CEP63: variants seen among roughly 807,000 people sequenced by gnomAD.
The protein encoded by CEP63 is centrosomal protein 63.
Under a neutral mutation model 89.1 loss-of-function variants are expected in CEP63, and 84 were observed. That is an observed-to-expected ratio of 0.94 (90% confidence interval 0.79 to 1.13). The LOEUF (loss-of-function observed/expected upper bound fraction) is 1.13, where lower values mean the gene tolerates loss of function less well. Among genes scored for constraint, CEP63 ranks in the 50% most tolerant of loss-of-function variants. The pLI is 0.00. For missense variants in CEP63, 838 were observed against 813.3 expected, an observed-to-expected ratio of 1.03 and a Z score of -0.37; for synonymous variants, 267 against 272.5, an observed-to-expected ratio of 0.98 and a Z score of 0.20.
chr3:134,604,212 G>A, the CEP63 span: 12 of 1,612,834 alleles, frequency 7.4e-6, no homozygotes, highest in East Asian at 8.9e-5. Context: ...TGGGGCCCAC[G>A]GGCTGGTGAA....
chr3:134,726,633 A>AT, the CEP63 span, among the ~76,000 whole-genome samples: 1 of 152,142 alleles, frequency 6.6e-6, no homozygotes, highest in Non-Finnish European at 1.5e-5. Context: ...CTTGATCTGA[A>AT]TGCAAGTACT....
At chr3:134,609,875 C>T in the CEP63 span, among the ~76,000 whole-genome samples, 3 of 152,230 alleles carry the variant, frequency 2.0e-5, no homozygotes, top group African/African-American at 4.8e-5. Context: ...AACCTGCCAA[C>T]AACTAAAGAA....
chr3:134,604,040 G>A, the CEP63 span: 200 of 1,613,952 alleles, frequency 1.2e-4, 1 homozygote, highest in African/African-American at 1.9e-3. Context: ...ATGTAGCGCC[G>A]CTGTGTCTCC....
At chr3:134,544,932 C>G (rs535424131) in intron 6 of CEP63, among the ~76,000 whole-genome samples, 1 of 152,258 alleles carries the variant, frequency 6.6e-6, no homozygotes, top group South Asian at 2.1e-4. Flanking sequence ...ACTGCAACTT[C>G]CGCTTCCTGG....
the CEP63 span, among the ~76,000 whole-genome samples, chr3:134,665,688 CACACACACACACACAG>C: frequency 5.2e-4 from 67 of 129,976 alleles, no homozygotes; most frequent in African/African-American, 1.6e-3. Flanking sequence ...CACACACACA[CACACACACACACACAG>C]AGAGAGAGAG....
the CEP63 span, among the ~76,000 whole-genome samples, chr3:134,649,787 TA>T: frequency 2.0e-5 from 3 of 152,194 alleles, no homozygotes; most frequent in Non-Finnish European, 4.4e-5. Flanking sequence ...ACAGCAGCAT[TA>T]CTTAAGCAAG....
At chr3:134,745,034 C>T in the CEP63 span, among the ~76,000 whole-genome samples, 16 of 152,186 alleles carry the variant, frequency 1.1e-4, no homozygotes, top group Admixed American at 4.6e-4. Flanking sequence ...AGGTAGTGAA[C>T]ATACCTATCA....
At chr3:134,522,041 T>C (rs1004848413) in intron 3 of CEP63, among the ~76,000 whole-genome samples, 1 of 152,208 alleles carries the variant, frequency 6.6e-6, no homozygotes, top group African/African-American at 2.4e-5. Flanking sequence ...CTCTTTTCTT[T>C]GTATTTCTTC....
intron 10 of CEP63, among the ~76,000 whole-genome samples, chr3:134,583,928 TTC>T (rs907641773): frequency 2.6e-5 from 4 of 152,180 alleles, no homozygotes. Flanking sequence ...AGGTATCTTA[TTC>T]TCTTTGTAGC....
chr3:134,599,355 C>T, the CEP63 span, among the ~76,000 whole-genome samples: 2 of 152,270 alleles, frequency 1.3e-5, no homozygotes, highest in South Asian at 2.1e-4. Flanking sequence ...AGAGACATGA[C>T]GAAGCCAGAT....
At chr3:134,540,632 G>GA (rs1471789448) in intron 6 of CEP63, among the ~76,000 whole-genome samples, 3 of 151,412 alleles carry the variant, frequency 2.0e-5, no homozygotes, top group Non-Finnish European at 4.4e-5. Flanking sequence ...TCTTATAGGT[G>GA]AAAAAAAATG....
the CEP63 span, among the ~76,000 whole-genome samples, chr3:134,778,051 C>T: frequency 6.6e-6 from 1 of 151,298 alleles, no homozygotes; most frequent in South Asian, 2.1e-4. Context: ...TCACAGAATG[C>T]TGTATTGAAG....
the CEP63 span, chr3:134,651,400 G>A: frequency 9.2e-7 from 1 of 1,090,352 alleles, no homozygotes; most frequent in South Asian, 2.4e-5. Context: ...GACCTCCCAC[G>A]AGAAGCCCCT....
chr3:134,652,186 A>T, the CEP63 span, among the ~76,000 whole-genome samples: 3 of 152,246 alleles, frequency 2.0e-5, no homozygotes, highest in East Asian at 5.8e-4. Flanking sequence ...GTTGATAAAA[A>T]TTTCTCACAT....
At chr3:134,723,669 C>T in the CEP63 span, among the ~76,000 whole-genome samples, 1 of 152,212 alleles carries the variant, frequency 6.6e-6, no homozygotes, top group South Asian at 2.1e-4. Flanking sequence ...CTGCTCTGAA[C>T]TAGTGGGAAG....
rs1292662428 is a variant in CEP63, at chr3:134,561,725, C to T, written c.*190C>T. ...TCTCTGCACTGGTTTGTTTAAAGGA[C>T]TTCTTCCAGCAATAAGTTGAAAGAA... On this transcript the variant is annotated 3_prime_UTR_variant, in exon 15 of 15. Transcript: ENST00000675561. 2.1e-6 allele frequency: 3 copies of T among 1,403,590 alleles called. No individual in the cohort carries two copies. Among genetic ancestry groups the T allele is most frequent in the Non-Finnish European group, 2.8e-6 (3 of 1,083,036 alleles). 86.9% of individuals were successfully genotyped at this position (1,403,590 alleles called of 1,614,324 possible).
At chr3:134,545,252 C>G (rs758257139) in intron 6 of CEP63, among the ~76,000 whole-genome samples, 64 of 152,082 alleles carry the variant, frequency 4.2e-4, no homozygotes, top group Non-Finnish European at 7.2e-4. Flanking sequence ...CCACCTCAGC[C>G]TCTCAAAGTG....
intron 10 of CEP63, among the ~76,000 whole-genome samples, chr3:134,582,665 A>G (rs1181191039): frequency 6.6e-6 from 1 of 152,188 alleles, no homozygotes; most frequent in East Asian, 1.9e-4. Flanking sequence ...TTATAGTAGC[A>G]TGATTTATAA....
At chr3:134,606,480 C>G in the CEP63 span, among the ~76,000 whole-genome samples, 1 of 152,204 alleles carries the variant, frequency 6.6e-6, no homozygotes, top group Non-Finnish European at 1.5e-5. Flanking sequence ...ATGGTAATGT[C>G]CCCGTGGCAA....
Sources: allele counts gnomAD v4.1 joint callset (sites outside exome capture counted in the v4.1 genomes callset), GRCh38; gene constraint gnomAD v4.1.1; transcripts MANE v1.5; gene names NCBI Gene and HGNC (gene_info 2026-07-23, HGNC 2026-07-21).